Variants in DNAJC1 observed in about 807,000 individuals in gnomAD.
The protein encoded by DNAJC1 is DnaJ heat shock protein family (Hsp40) member C1, also known as dnaJ homolog subfamily C member 1.
Under a neutral mutation model 76.6 loss-of-function variants are expected in DNAJC1, and 58 were observed. That is an observed-to-expected ratio of 0.76 (90% CI 0.61 to 0.94). DNAJC1 has a LOEUF of 0.94. Ranked by LOEUF, DNAJC1 falls within the 40% of genes least tolerant of loss-of-function variation. The pLI, the probability that DNAJC1 is intolerant of heterozygous loss-of-function variation, is 0.00. For synonymous variants in DNAJC1, 258 were observed against 267.9 expected, an observed-to-expected ratio of 0.96 and a Z score of 0.36; for missense variants, 689 against 677.3, an observed-to-expected ratio of 1.02 and a Z score of -0.19.
At chr10:21,838,637 A>G (rs941404207) in intron 8 of DNAJC1, among the ~76,000 whole-genome samples, 2 of 152,298 alleles carry the variant, frequency 1.3e-5, no homozygotes, top group South Asian at 4.1e-4. Context: ...AAAAAAGAAA[A>G]AAAAATAATA....
chr10:21,949,865 G>A (rs181415051), intron 1 of DNAJC1, among the ~76,000 whole-genome samples: 82 of 152,012 alleles, frequency 5.4e-4, no homozygotes, highest in African/African-American at 1.9e-3. Context: ...ATTTATTGGC[G>A]TGTCATTTTG....
chr10:21,812,636 G>A (rs1412148443), intron 8 of DNAJC1, among the ~76,000 whole-genome samples: 1 of 151,936 alleles, frequency 6.6e-6, no homozygotes, highest in African/African-American at 2.4e-5. Flanking sequence ...GGCACAATAA[G>A]GCTCAATGCA....
chr10:21,820,781 C>T (rs1835146538), intron 8 of DNAJC1, among the ~76,000 whole-genome samples: 1 of 152,190 alleles, frequency 6.6e-6, no homozygotes, highest in Non-Finnish European at 1.5e-5. Context: ...TGGAGTGGCT[C>T]ACACAACCCA....
chr10:21,887,866 C>T (rs1300918112), intron 7 of DNAJC1, among the ~76,000 whole-genome samples: 1 of 152,022 alleles, frequency 6.6e-6, no homozygotes, highest in African/African-American at 2.4e-5. Context: ...GCAATTGAAA[C>T]AAAAGCAAAA....
intron 8 of DNAJC1, among the ~76,000 whole-genome samples, chr10:21,835,633 G>C (rs1174026375): frequency 6.6e-6 from 1 of 152,154 alleles, no homozygotes; most frequent in Non-Finnish European, 1.5e-5. Context: ...GTCCTTAAAG[G>C]ACCTGATGGA....
At chr10:21,918,102 T>A (rs1369378744) in intron 6 of DNAJC1, among the ~76,000 whole-genome samples, 3 of 151,996 alleles carry the variant, frequency 2.0e-5, no homozygotes, top group Non-Finnish European at 4.4e-5. Flanking sequence ...CTTTCAAATA[T>A]TTATGTGTTG....
chr10:21,846,070 GTA>G (rs1835654650), intron 8 of DNAJC1, among the ~76,000 whole-genome samples: 1 of 152,134 alleles, frequency 6.6e-6, no homozygotes, highest in African/African-American at 2.4e-5. Flanking sequence ...AGGTAGACTG[GTA>G]TAATGATTAA....
chr10:21,817,482 C>T lies in DNAJC1; in HGVS notation c.979-11383G>A, dbSNP rs181275952. 2.0e-4 allele frequency among the ~76,000 whole-genome samples: 31 copies of T among 151,912 alleles called. 1 individual carries two copies. In the East Asian group the frequency reaches 4.3e-3, roughly 21 times the overall value. On this transcript the variant is annotated intron_variant, in intron 8 of 11. Coordinates refer to ENST00000376980, the MANE Select transcript of DNAJC1 (RefSeq NM_022365.4). Reference sequence around the variant, plus strand: ...TGTTTCCAGTGCTCTATAAAAGTTACGTTCTGTCTTGCTGGTCCTGAAACA... The same window carrying T: ...TGTTTCCAGTGCTCTATAAAAGTTATGTTCTGTCTTGCTGGTCCTGAAACA...
intron 9 of DNAJC1, among the ~76,000 whole-genome samples, chr10:21,797,715 C>A (rs996618453): frequency 1.3e-5 from 2 of 152,064 alleles, no homozygotes; most frequent in African/African-American, 2.4e-5. Flanking sequence ...GAGTTCAGCT[C>A]CCTTCCTTTC....
intron 9 of DNAJC1, among the ~76,000 whole-genome samples, chr10:21,782,560 C>T (rs1834546598): frequency 6.6e-6 from 1 of 152,176 alleles, no homozygotes; most frequent in African/African-American, 2.4e-5. Context: ...ATGAGGCCAG[C>T]ATCATCCTGA....
chr10:21,803,811 T>C, intron 9 of DNAJC1: 1 of 953,536 alleles, frequency 1.0e-6, no homozygotes, highest in Non-Finnish European at 1.2e-6. Flanking sequence ...ATTTATTACA[T>C]ATTTATTTCC....
At chr10:21,766,524 A>G (rs1050363655) in intron 9 of DNAJC1, among the ~76,000 whole-genome samples, 1 of 152,214 alleles carries the variant, frequency 6.6e-6, no homozygotes, top group Non-Finnish European at 1.5e-5. Flanking sequence ...CCATCCACTC[A>G]GCAGCAGCTT....
intron 9 of DNAJC1, among the ~76,000 whole-genome samples, chr10:21,773,073 C>G (rs1564783537): frequency 6.6e-6 from 1 of 152,158 alleles, no homozygotes; most frequent in South Asian, 2.1e-4. Flanking sequence ...CCCACAAGGA[C>G]CCACCTCCGA....
At chr10:21,929,537 A>G (rs1225417090) in intron 1 of DNAJC1, among the ~76,000 whole-genome samples, 1 of 152,186 alleles carries the variant, frequency 6.6e-6, no homozygotes, top group Non-Finnish European at 1.5e-5. Context: ...TGTTAAAGCC[A>G]ATTTCTGAAT....
chr10:21,767,161 G>A (rs1834310767), intron 9 of DNAJC1, among the ~76,000 whole-genome samples: 1 of 152,070 alleles, frequency 6.6e-6, no homozygotes, highest in East Asian at 1.9e-4. Context: ...CTGCAACCTG[G>A]AAGGGAACCC....
chr10:21,952,512 C>A (rs2131808828), intron 1 of DNAJC1, among the ~76,000 whole-genome samples: 1 of 152,290 alleles, frequency 6.6e-6, no homozygotes, highest in African/African-American at 2.4e-5. Context: ...AATCCCAACA[C>A]TTTGGGAAGC....
chr10:21,815,009 G>T (rs1289602092), intron 8 of DNAJC1, among the ~76,000 whole-genome samples: 1 of 152,188 alleles, frequency 6.6e-6, no homozygotes, highest in Admixed American at 6.5e-5. Context: ...GCTAGCTTGA[G>T]TCAGGCAGAG....
chr10:21,937,164 T>C (rs934061499), intron 1 of DNAJC1, among the ~76,000 whole-genome samples: 2 of 152,114 alleles, frequency 1.3e-5, no homozygotes, highest in Admixed American at 6.6e-5. Flanking sequence ...CTGCAAGTGG[T>C]AGTTTCTAAG....
intron 8 of DNAJC1, among the ~76,000 whole-genome samples, chr10:21,879,744 C>T (rs550186944): frequency 3.3e-5 from 5 of 152,212 alleles, no homozygotes; most frequent in South Asian, 2.1e-4. Context: ...AATACTTTAC[C>T]GCTAAAACGT....
Sources: allele counts gnomAD v4.1 joint callset (sites outside exome capture counted in the v4.1 genomes callset), GRCh38; gene constraint gnomAD v4.1.1; transcripts MANE v1.5; gene names NCBI Gene and HGNC (gene_info 2026-07-23, HGNC 2026-07-21).